OLFM1: variants seen among roughly 807,000 people sequenced by gnomAD.
OLFM1 encodes noelin.
A neutral mutation model predicts 49.7 loss-of-function variants in OLFM1; 9 were observed. The ratio of observed to expected loss-of-function variants is 0.18; its 90% CI spans 0.11 to 0.32. The LOEUF (loss-of-function observed/expected upper bound fraction) is 0.32. Ranked by LOEUF, OLFM1 falls within the 10% of genes least tolerant of loss-of-function variation. The pLI, the probability that OLFM1 is intolerant of heterozygous loss-of-function variation, is 1.00. For missense variants in OLFM1, 369 were observed against 661.8 expected, an observed-to-expected ratio of 0.56 and a Z score of 4.85; for synonymous variants, 240 against 271.8, an observed-to-expected ratio of 0.88 and a Z score of 1.15.
At chr9:135,076,713 G>A in intron 1 of OLFM1, 1 of 1,431,304 alleles carries the variant, frequency 7.0e-7, no homozygotes, top group Non-Finnish European at 9.2e-7. Flanking sequence ...GCCCTTTGGA[G>A]TTGCAAGTCC....
At chr9:135,077,523 C>G (rs1198652647) in intron 1 of OLFM1, 5 of 292,996 alleles carry the variant, frequency 1.7e-5, no homozygotes, top group Non-Finnish European at 3.1e-5. Context: ...ACATCCGAAC[C>G]CCAGCCAGCC....
intron 4 of OLFM1, chr9:135,106,365 G>A (rs931360094): frequency 5.4e-5 from 11 of 205,286 alleles, no homozygotes; most frequent in East Asian, 4.1e-4. Context: ...GAGCCGCTGC[G>A]TTCCCATCTC....
chr9:135,111,675 C>A (rs573041471), intron 5 of OLFM1, among the ~76,000 whole-genome samples: 1 of 152,088 alleles, frequency 6.6e-6, no homozygotes, highest in African/African-American at 2.4e-5. Context: ...CTGGAGTCTG[C>A]GTCTCTCTGC....
At chr9:135,100,152 G>T (rs191382299) in intron 4 of OLFM1, among the ~76,000 whole-genome samples, 1 of 152,134 alleles carries the variant, frequency 6.6e-6, no homozygotes, top group East Asian at 1.9e-4. Context: ...AATAGACAGG[G>T]CACATCATGG....
At chr9:135,092,744 T>C (rs1194636032) in intron 2 of OLFM1, among the ~76,000 whole-genome samples, 1 of 152,238 alleles carries the variant, frequency 6.6e-6, no homozygotes, top group Non-Finnish European at 1.5e-5. Flanking sequence ...TGCCTGTGCG[T>C]GCCACAGCAT....
intron 5 of OLFM1, among the ~76,000 whole-genome samples, chr9:135,118,187 C>T (rs1831120887): frequency 6.6e-6 from 1 of 152,240 alleles, no homozygotes; most frequent in South Asian, 2.1e-4. Flanking sequence ...TGTTCCACCC[C>T]ACTTTGGAAG....
rs776381609 is a variant in OLFM1 at position 135,113,422 on chromosome 9, G to A, written c.784-6082G>A. Among the ~76,000 whole-genome samples the A allele has an allele frequency of 1.2e-4, 18 of 152,096 alleles. No individual in the cohort carries two copies. Among genetic ancestry groups the A allele is most frequent in the Admixed American group, 5.9e-4 (9 of 15,274 alleles). ...GAACCACCAAGCCCACTCGAGTCCC[G>A]GGCTAAGGACATAAATGATGATAGC... is the stretch of plus-strand genomic sequence containing the variant. On this transcript the variant is annotated intron_variant, in intron 5 of 5. Transcript: ENST00000371793. This position sits in a 1 kb window ranked among gnomAD's most constrained non-coding sequence, Gnocchi z 4.0.
chr9:135,084,239 A>G (rs1588202632), upstream of OLFM1, among the ~76,000 whole-genome samples: 1 of 152,314 alleles, frequency 6.6e-6, no homozygotes, highest in Admixed American at 6.6e-5. The surrounding 1 kb of genome is among the most constrained non-coding windows in gnomAD (Gnocchi z 4.6). Context: ...TACAACGTAG[A>G]AAAAGGAGAG....
chr9:135,119,483 C>A lies in OLFM1; in HGVS notation c.784-21C>A, dbSNP rs756978309. Reference sequence around the variant, plus strand: ...ACTGGGTCTTTGGAAGTGCTCACCACCGGGTCTGCTCTCTCCACAGGTGTG... The same window carrying A: ...ACTGGGTCTTTGGAAGTGCTCACCAACGGGTCTGCTCTCTCCACAGGTGTG... On this transcript the variant is annotated intron_variant, in intron 5 of 5. Transcript: ENST00000371793. The A allele has an allele frequency of 8.3e-6, 13 of 1,567,136 alleles. No homozygotes were observed. In the East Asian group the frequency reaches 2.7e-4, roughly 33 times the overall value.
At chr9:135,106,723 C>T in intron 4 of OLFM1, 26 bp from the exon 5 acceptor site, 2 of 1,604,692 alleles carry the variant, frequency 1.2e-6, no homozygotes, top group East Asian at 4.5e-5. Flanking sequence ...CGCCCTCCCT[C>T]TCCTGACCTG....
Position 135,120,367 on chromosome 9 carries a change from C to T in OLFM1, c.*189C>T, listed in dbSNP as rs570782298. 47 of 615,920 alleles carry T rather than the reference C, an allele frequency of 7.6e-5. No homozygotes were observed. The highest frequency in any genetic ancestry group is 2.5e-4 in the East Asian group (9 of 35,742). The allele number at this position is 615,920 out of a possible 1,614,324, so 38.2% of individuals were successfully genotyped here. On this transcript the variant is annotated 3_prime_UTR_variant, in exon 6 of 6. Transcript: ENST00000371793. ...TTTCGAGCCGGCGGGCCACAGACGT[C>T]GGAAGAAACTCCCGTATTTGCAGCT...
chr9:135,081,164 C>T (rs975826564), intron 1 of OLFM1, among the ~76,000 whole-genome samples: 3 of 152,028 alleles, frequency 2.0e-5, no homozygotes, highest in African/African-American at 4.8e-5. Context: ...GACACACAGG[C>T]GTGGGGAGGT....
chr9:135,085,771 C>G (rs1307766482), upstream of OLFM1, among the ~76,000 whole-genome samples: 5 of 152,268 alleles, frequency 3.3e-5, no homozygotes, highest in Non-Finnish European at 7.3e-5. Flanking sequence ...CCATGGCCTT[C>G]TAAATCCAAT....
upstream of OLFM1, chr9:135,086,460 G>T: frequency 2.7e-6 from 1 of 372,584 alleles, no homozygotes; most frequent in Non-Finnish European, 5.3e-6. Context: ...CCTCTCAGGC[G>T]GGCGCCAGGG....
intron 1 of OLFM1, among the ~76,000 whole-genome samples, chr9:135,081,101 A>C (rs1483629931): frequency 6.6e-6 from 1 of 152,146 alleles, no homozygotes; most frequent in African/African-American, 2.4e-5. Flanking sequence ...AAACTTTATC[A>C]TGTTGCGGCG....
upstream of OLFM1, among the ~76,000 whole-genome samples, chr9:135,083,600 G>T (rs1023991201): frequency 1.3e-5 from 2 of 152,196 alleles, no homozygotes; most frequent in Non-Finnish European, 2.9e-5. Flanking sequence ...AAAGGGGGAA[G>T]GACGATACCT....
At chr9:135,078,038 T>A (rs1285576700) in intron 1 of OLFM1, among the ~76,000 whole-genome samples, 5 of 152,098 alleles carry the variant, frequency 3.3e-5, no homozygotes, top group African/African-American at 1.2e-4. Flanking sequence ...CGGGAATGGG[T>A]GTGGGGGCAG....
intron 5 of OLFM1, among the ~76,000 whole-genome samples, chr9:135,118,965 A>AATGCTCGCCGGGTCTTTGGC (rs1208572763): frequency 7.5e-6 from 1 of 132,786 alleles, no homozygotes; most frequent in Non-Finnish European, 1.6e-5. Flanking sequence ...GGTCTTTGGA[A>AATGCTCGCCGGGTCTTTGGC]ATGCTCGCCG....
Position 135,076,856 on chromosome 9 carries a change from C to T in OLFM1, c.96+1054C>T, listed in dbSNP as rs190503483. Reference sequence around the variant, plus strand: ...CAGAGAAGATGGGAGGGCCAGAGAGCGAGAGGAAGACCACAGGAGAGAAGA... The same window carrying T: ...CAGAGAAGATGGGAGGGCCAGAGAGTGAGAGGAAGACCACAGGAGAGAAGA... On this transcript the variant is annotated intron_variant, in intron 1 of 5. Coordinates refer to the OLFM1 transcript ENST00000252854. The T allele has an allele frequency of 4.3e-3, 6,705 of 1,550,262 alleles. 25 individuals are homozygous for T. Among genetic ancestry groups the T allele is most frequent in the Non-Finnish European group, 5.2e-3 (5,957 of 1,146,822 alleles).
Sources: gnomAD v4.1 joint callset for allele counts (sites outside exome capture counted in the v4.1 genomes callset) on GRCh38, gnomAD v4.1.1 for gene constraint, Gnocchi (gnomAD v3.1) non-coding constraint, MANE v1.5 for transcripts, NCBI Gene and HGNC (gene_info 2026-07-23, HGNC 2026-07-21) for gene names.